GIPC2: variants seen among roughly 807,000 people sequenced by gnomAD.
The protein encoded by GIPC2 is GIPC PDZ domain containing family member 2, also known as PDZ domain-containing protein GIPC2.
GIPC2 carries 30 observed loss-of-function variants against 30.6 expected under a neutral mutation model. That is an observed-to-expected ratio of 0.98 (90% CI 0.73 to 1.33). The LOEUF (loss-of-function observed/expected upper bound fraction) is 1.33, where lower values mean the gene tolerates loss of function less well. Ranked by LOEUF, GIPC2 falls within the 40% of genes most tolerant of loss-of-function variation. The pLI is 0.00. For synonymous variants in GIPC2, 167 were observed against 150.0 expected (o/e 1.11, Z -0.83); for missense variants, 414 against 390.3 (o/e 1.06, Z -0.51).
chr1:78,123,980 T>C (rs1571526528), intron 4 of GIPC2, among the ~76,000 whole-genome samples: 1 of 152,242 alleles, frequency 6.6e-6, no homozygotes. Flanking sequence ...TTCAAGGAAA[T>C]AGATTTTTAT....
At chr1:78,105,891 G>A (rs571246320) in intron 3 of GIPC2, among the ~76,000 whole-genome samples, 1 of 152,240 alleles carries the variant, frequency 6.6e-6, no homozygotes, top group South Asian at 2.1e-4. Context: ...CGTAGTCAGA[G>A]TATGTTTTCA....
intron 3 of GIPC2, among the ~76,000 whole-genome samples, chr1:78,098,252 GC>G (rs1291895232): frequency 6.6e-6 from 1 of 152,088 alleles, no homozygotes; most frequent in Non-Finnish European, 1.5e-5. Flanking sequence ...TAGCTGTTTG[GC>G]AGTGGACTAT....
Position 78,135,885 on chromosome 1 carries a change from T to C in GIPC2, c.*142T>C. 1.6e-6 allele frequency: 1 copy of C among 621,276 alleles called. No homozygotes were observed. Among genetic ancestry groups the C allele is most frequent in the Non-Finnish European group, 2.6e-6 (1 of 388,984 alleles). 38.5% of individuals were successfully genotyped at this position (621,276 alleles called of 1,614,324 possible). A position where few individuals can be genotyped will look rare whatever the true frequency, so the allele number is the denominator to read the frequency against. On this transcript the variant is annotated 3_prime_UTR_variant, in exon 6 of 6. Coordinates refer to ENST00000370759, the MANE Select transcript of GIPC2 (RefSeq NM_017655.6). ...ATGGAATATATTCTTTGAAATATAA[T>C]TTTGGTAATTTTGATTTCTGGGCAC... is the stretch of plus-strand genomic sequence containing the variant.
Position 78,135,838 on chromosome 1 carries a change from ACT to A in GIPC2, c.*98_*99del. On this transcript the variant is annotated 3_prime_UTR_variant, in exon 6 of 6. Coordinates refer to ENST00000370759, the MANE Select transcript of GIPC2 (RefSeq NM_017655.6). ...GATCTGTTTTTGGACACCTTTACTAACTCTGGTTTAATTTCATGTGTATGGAA... is the reference window on the plus strand; with the variant it reads ...GATCTGTTTTTGGACACCTTTACTAACTGGTTTAATTTCATGTGTATGGAA... The A allele has an allele frequency of 3.2e-6, 3 of 951,010 alleles. 1 individual carries two copies. The South Asian group carries it at 4.8e-5, about 15-fold the overall frequency. The allele number at this position is 951,010 out of a possible 1,614,324, so 58.9% of individuals were successfully genotyped here.
At chr1:78,067,123 G>T (rs144419675) in intron 1 of GIPC2, among the ~76,000 whole-genome samples, 241 of 152,206 alleles carry the variant, frequency 1.6e-3, no homozygotes, top group African/African-American at 5.6e-3. Context: ...TGTTGCTGTG[G>T]CTATTTGACA....
At chr1:78,112,392 A>T (rs755532224) in intron 3 of GIPC2, 2 of 518,636 alleles carry the variant, frequency 3.9e-6, no homozygotes, top group Non-Finnish European at 7.7e-6. Context: ...CTCTGTGTCC[A>T]TAGCATCCCA....
intron 1 of GIPC2, among the ~76,000 whole-genome samples, chr1:78,066,122 A>T (rs757205205): frequency 1.1e-4 from 17 of 152,212 alleles, no homozygotes; most frequent in Non-Finnish European, 1.9e-4. Context: ...AGAGAATTGG[A>T]GAAAATATTT....
At chr1:78,085,474 C>T (rs1351201338) in intron 2 of GIPC2, among the ~76,000 whole-genome samples, 3 of 150,712 alleles carry the variant, frequency 2.0e-5, no homozygotes, top group Non-Finnish European at 4.4e-5. Context: ...CCCTCCTCCT[C>T]AGTAGTTTCT....
rs1030899017 is a variant in GIPC2 at position 78,136,205 on chromosome 1, A to C, written c.*462A>C. Reference sequence around the variant, plus strand: ...GGATATGTTCAGGAAATGAAAGGTGAATTATGCCCCTTATTGGTCTAGAAG... The same window carrying C: ...GGATATGTTCAGGAAATGAAAGGTGCATTATGCCCCTTATTGGTCTAGAAG... On this transcript the variant is annotated 3_prime_UTR_variant, in exon 6 of 6. Coordinates refer to ENST00000370759, the MANE Select transcript of GIPC2 (RefSeq NM_017655.6). 4 of 152,448 alleles carry C rather than the reference A, an allele frequency of 2.6e-5. No individual in the cohort carries two copies. Among genetic ancestry groups the C allele is most frequent in the Admixed American group, 2.6e-4 (4 of 15,272 alleles). The allele number at this position is 152,448 out of a possible 1,614,324, so 9.4% of individuals were successfully genotyped here.
intron 5 of GIPC2, among the ~76,000 whole-genome samples, chr1:78,132,323 T>C (rs544619870): frequency 1.3e-5 from 2 of 152,264 alleles, no homozygotes; most frequent in Non-Finnish European, 2.9e-5. Context: ...ATGGCAGTGG[T>C]AATAGAGGGA....
chr1:78,065,950 A>G (rs1207285693), intron 1 of GIPC2, among the ~76,000 whole-genome samples: 1 of 152,246 alleles, frequency 6.6e-6, no homozygotes, highest in Non-Finnish European at 1.5e-5. Flanking sequence ...CTGGAAGACA[A>G]CCTAGGCAGT....
intron 4 of GIPC2, among the ~76,000 whole-genome samples, chr1:78,120,049 C>T (rs1318311415): frequency 6.6e-6 from 1 of 152,244 alleles, no homozygotes; most frequent in Non-Finnish European, 1.5e-5. Flanking sequence ...TTTAGTCCAC[C>T]TGTGTTCACC....
intron 3 of GIPC2, among the ~76,000 whole-genome samples, chr1:78,096,060 A>G (rs1003677411): frequency 2.6e-5 from 4 of 152,204 alleles, no homozygotes; most frequent in Non-Finnish European, 5.9e-5. Context: ...CTGCTTCTAC[A>G]TGCTTCTGCA....
intron 1 of GIPC2, among the ~76,000 whole-genome samples, chr1:78,049,312 T>C (rs1661152656): frequency 6.6e-6 from 1 of 152,160 alleles, no homozygotes; most frequent in African/African-American, 2.4e-5. Flanking sequence ...TGCACCACCA[T>C]GCCTGGCTAA....
At chr1:78,111,561 C>T (rs1021072056) in intron 3 of GIPC2, among the ~76,000 whole-genome samples, 8 of 152,142 alleles carry the variant, frequency 5.3e-5, no homozygotes, top group East Asian at 1.9e-4. Context: ...GAACATTTTA[C>T]GAGGAGCCTT....
At chr1:78,089,564 C>T (rs1401098402) in intron 2 of GIPC2, among the ~76,000 whole-genome samples, 7 of 152,056 alleles carry the variant, frequency 4.6e-5, no homozygotes, top group African/African-American at 1.4e-4. Flanking sequence ...CCATGCTGCT[C>T]AGTTGAGCAG....
intron 1 of GIPC2, among the ~76,000 whole-genome samples, chr1:78,078,674 C>T (rs1441954906): frequency 6.6e-6 from 1 of 152,086 alleles, no homozygotes; most frequent in Non-Finnish European, 1.5e-5. Context: ...GAGGCTTGGT[C>T]ATTAGAAGTT....
chr1:78,094,549 A>G (rs563709466), intron 2 of GIPC2, among the ~76,000 whole-genome samples: 7 of 152,330 alleles, frequency 4.6e-5, no homozygotes, highest in African/African-American at 1.4e-4. Flanking sequence ...AACGTACTGT[A>G]GAAGCATGAG....
intron 3 of GIPC2, among the ~76,000 whole-genome samples, chr1:78,103,031 A>G (rs1662276813): frequency 6.6e-6 from 1 of 152,214 alleles, no homozygotes; most frequent in Admixed American, 6.5e-5. Context: ...GTAGGAAATC[A>G]TTTAGTCCTT....
Sources: gnomAD v4.1 joint callset for allele counts (sites outside exome capture counted in the v4.1 genomes callset) on GRCh38, gnomAD v4.1.1 for gene constraint, MANE v1.5 for transcripts, NCBI Gene and HGNC (gene_info 2026-07-23, HGNC 2026-07-21) for gene names.